Variants in IARS2 observed in about 807,000 individuals in gnomAD.
IARS2 encodes isoleucine--tRNA ligase, mitochondrial.
A neutral mutation model predicts 126.3 loss-of-function variants in IARS2; 56 were observed. The observed-to-expected ratio is 0.44, with a 90% confidence interval of 0.36 to 0.55. The LOEUF (loss-of-function observed/expected upper bound fraction) is 0.55, where lower values mean the gene tolerates loss of function less well. IARS2 is among the 20% of genes least tolerant of loss of function. The pLI is 0.00. For synonymous variants in IARS2, 407 were observed against 441.1 expected, an observed-to-expected ratio of 0.92 and a Z score of 0.97; for missense variants, 1,127 against 1,245.9, an observed-to-expected ratio of 0.90 and a Z score of 1.44.
chr1:220,112,947 T>A (rs960594209), intron 11 of IARS2, among the ~76,000 whole-genome samples: 2 of 152,158 alleles, frequency 1.3e-5, no homozygotes, highest in Admixed American at 6.5e-5. Flanking sequence ...CACAGCAGCC[T>A]CCACCTCCTG....
intron 21 of IARS2, among the ~76,000 whole-genome samples, chr1:220,145,240 G>T (rs144303641): frequency 2.6e-5 from 4 of 152,084 alleles, no homozygotes; most frequent in African/African-American, 7.2e-5. Flanking sequence ...TTTTTTGTGT[G>T]TATGTATGTG....
At chr1:220,100,155 G>T (rs1656541754) in intron 2 of IARS2, among the ~76,000 whole-genome samples, 1 of 152,114 alleles carries the variant, frequency 6.6e-6, no homozygotes, top group Non-Finnish European at 1.5e-5. Flanking sequence ...TAATGAAGAG[G>T]TCTACTGTTT....
chr1:220,094,287 C>A lies in IARS2; in HGVS notation c.71C>A (p.Thr24Lys), dbSNP rs755319111. The change falls in exon 1 of 23, where the codon ACG becomes AAG. Residue 24 changes from threonine (T) to lysine (K), a missense_variant. Physicochemically the swap from Thr to Lys is moderately conservative, Grantham distance 78. Coordinates refer to ENST00000366922, the MANE Select transcript of IARS2 (RefSeq NM_018060.4). ...GCCACTGCCCGAAGTTTGTGGGGGACGCCCCGCCTTCCCTGCAGCCCGGGA... is the reference window on the plus strand; with the variant it reads ...GCCACTGCCCGAAGTTTGTGGGGGAAGCCCCGCCTTCCCTGCAGCCCGGGA... ...ALATARSLWG[T>K]PRLPCSPGWQ... is the part of the protein sequence containing the mutation. The A allele has an allele frequency of 6.2e-7, 1 of 1,610,632 alleles. No individual in the cohort carries two copies. Among genetic ancestry groups the A allele is most frequent in the Non-Finnish European group, 8.5e-7 (1 of 1,178,718 alleles).
At chr1:220,118,756 T>A (rs1488314083) in intron 12 of IARS2, among the ~76,000 whole-genome samples, 1 of 152,122 alleles carries the variant, frequency 6.6e-6, no homozygotes, top group Admixed American at 6.5e-5. Flanking sequence ...TCCAATATAA[T>A]TTGAGTGTTA....
At chr1:220,144,358 G>C in intron 21 of IARS2, 1 of 668,922 alleles carries the variant, frequency 1.5e-6, no homozygotes, top group South Asian at 1.7e-5. Flanking sequence ...CATTGTGGTG[G>C]TGCAGAAAGA....
At chr1:220,135,777 A>G (rs941018871) in intron 15 of IARS2, among the ~76,000 whole-genome samples, 5 of 150,138 alleles carry the variant, frequency 3.3e-5, no homozygotes, top group Non-Finnish European at 7.4e-5. Flanking sequence ...TCTTTTTAAG[A>G]CATACTTTTT....
At chr1:220,118,213 G>A in intron 12 of IARS2, 1 of 501,556 alleles carries the variant, frequency 2.0e-6, no homozygotes. Context: ...CAGTCCACAT[G>A]GAGTTGCTGT....
At chr1:220,137,343 G>A (rs994099993) in intron 16 of IARS2, among the ~76,000 whole-genome samples, 6 of 152,128 alleles carry the variant, frequency 3.9e-5, no homozygotes, top group East Asian at 1.9e-4. Flanking sequence ...TTCAAAATGC[G>A]CATTTCATTA....
intron 2 of IARS2, among the ~76,000 whole-genome samples, chr1:220,098,732 G>A (rs1156725822): frequency 6.6e-6 from 1 of 152,112 alleles, no homozygotes; most frequent in East Asian, 1.9e-4. Context: ...AAGGAGGGTG[G>A]TGTTTGATAC....
chr1:220,114,454 GGATGAATACTT>G lies in IARS2; in HGVS notation c.1624_1634del (p.Glu542GlnfsTer6). The G allele has an allele frequency of 6.2e-7, 1 of 1,612,462 alleles. No individual in the cohort carries two copies. The highest frequency in any genetic ancestry group is 1.1e-5 in the South Asian group (1 of 90,574). On this transcript the variant is annotated frameshift_variant, in exon 12 of 23. Transcript: ENST00000366922. LOFTEE classifies it high-confidence loss of function. ...TTCCTGTGTTTCATCATAAGACCAAGGATGAATACTTGATCAACAGGTAGAATGCTTTCTAA... is the reference window on the plus strand; with the variant it reads ...TTCCTGTGTTTCATCATAAGACCAAGGATCAACAGGTAGAATGCTTTCTAA...
rs1378248419 is a variant in IARS2, at chr1:220,139,404, T to A, written c.2307+265T>A. On this transcript the variant is annotated intron_variant, in intron 18 of 22. Coordinates refer to ENST00000366922, the MANE Select transcript of IARS2 (RefSeq NM_018060.4). ...AAGTACAGAAATAACCAAAATGGACTATCCTATTTGTCTCATAAGATACTT... is the reference window on the plus strand; with the variant it reads ...AAGTACAGAAATAACCAAAATGGACAATCCTATTTGTCTCATAAGATACTT... Among the ~76,000 whole-genome samples the A allele has an allele frequency of 2.0e-5, 3 of 152,366 alleles. No individual in the cohort carries two copies. In the East Asian group the frequency reaches 5.8e-4, roughly 29 times the overall value.
At chr1:220,125,460 A>G (rs144578762) in intron 13 of IARS2, 121 bp downstream of exon 13, 300 of 642,126 alleles carry the variant, frequency 4.7e-4, no homozygotes, top group Non-Finnish European at 7.5e-4. Flanking sequence ...TTTACTGTAA[A>G]TTAGAAGCTA....
intron 12 of IARS2, among the ~76,000 whole-genome samples, chr1:220,120,706 C>T (rs563962673): frequency 6.6e-6 from 1 of 152,162 alleles, no homozygotes; most frequent in African/African-American, 2.4e-5. Flanking sequence ...ACAAAAATTG[C>T]TTATATTATG....
chr1:220,137,425 T>TG (rs1460411654), intron 16 of IARS2, among the ~76,000 whole-genome samples: 1 of 152,164 alleles, frequency 6.6e-6, no homozygotes, highest in Non-Finnish European at 1.5e-5. Flanking sequence ...GCTGATAATT[T>TG]GGGGGGGTTT....
chr1:220,109,175 C>T (rs1331121819), intron 10 of IARS2, among the ~76,000 whole-genome samples: 1 of 151,944 alleles, frequency 6.6e-6, no homozygotes, highest in African/African-American at 2.4e-5. Flanking sequence ...CTGAAGCGGA[C>T]ATATCACGAG....
At chr1:220,099,198 C>T (rs1265209318) in intron 2 of IARS2, among the ~76,000 whole-genome samples, 19 of 130,414 alleles carry the variant, frequency 1.5e-4, no homozygotes, top group South Asian at 1.4e-3. Flanking sequence ...GGCGACAGAG[C>T]GAGACTCCGT....
chr1:220,119,642 A>G (rs1047145891), intron 12 of IARS2, among the ~76,000 whole-genome samples: 1 of 152,156 alleles, frequency 6.6e-6, no homozygotes, highest in Non-Finnish European at 1.5e-5. Context: ...ACTTCTAAGT[A>G]TTTACCCAAA....
rs771658883 is a variant in IARS2, at chr1:220,147,537, C to A, written c.2941C>A (p.Pro981Thr). 2.5e-6 allele frequency: 4 copies of A among 1,613,966 alleles called. No individual in the cohort carries two copies. Among genetic ancestry groups the A allele is most frequent in the Non-Finnish European group, 3.4e-6 (4 of 1,179,888 alleles). The part of the protein sequence containing the change: ...EESSYKVIVM[P>T]TTKEKCPRCW... ...GTCTTCCTATAAAGTAATTGTCATG[C>A]CGACTACGAAAGAAAAATGCCCCCG... Residue 981 changes from proline to threonine, a missense_variant, in exon 23 of 23, where the codon CCG becomes ACG. Transcript: ENST00000366922.
At chr1:220,127,889 A>G (rs994057532) in intron 14 of IARS2, among the ~76,000 whole-genome samples, 1 of 137,150 alleles carries the variant, frequency 7.3e-6, no homozygotes, top group African/African-American at 2.8e-5. Flanking sequence ...AGTGATTTTC[A>G]GAATTATTAT....
Sources: gnomAD v4.1 joint callset for allele counts (sites outside exome capture counted in the v4.1 genomes callset) on GRCh38, gnomAD v4.1.1 for gene constraint, MANE v1.5 for transcripts, NCBI Gene and HGNC (gene_info 2026-07-23, HGNC 2026-07-21) for gene names.